The following CRB1 variants were observed in gnomAD, a reference collection of about 807,000 sequenced individuals.
CRB1 encodes protein crumbs homolog 1.
In CRB1, 83 loss-of-function variants were observed where a neutral mutation model predicts 120.0. The observed-to-expected ratio is 0.69, with a 90% confidence interval of 0.58 to 0.83. The LOEUF is 0.83. Among genes scored for constraint, CRB1 ranks in the 40% least tolerant of loss-of-function variants. The pLI, the probability that CRB1 is intolerant of heterozygous loss-of-function variation, is 0.00. For missense variants in CRB1, 1,699 were observed against 1,687.6 expected, an observed-to-expected ratio of 1.01 and a Z score of -0.12; for synonymous variants, 625 against 612.5, an observed-to-expected ratio of 1.02 and a Z score of -0.30.
intron 8 of CRB1, among the ~76,000 whole-genome samples, chr1:197,433,534 A>C (rs1412245280): frequency 1.3e-5 from 2 of 152,096 alleles, no homozygotes; most frequent in East Asian, 3.9e-4. Context: ...AAAGAGAAAA[A>C]TGAGGAATAA....
Position 197,438,660 on chromosome 1 carries a change from G to A in CRB1, c.3863G>A (p.Gly1288Asp), listed in dbSNP as rs533997742. The change falls in exon 10 of 12, where the codon GGT (glycine) becomes GAT (aspartate). Residue 1288 changes from glycine to aspartate, a missense_variant. Gly to Asp is a moderately conservative substitution (Grantham distance 94, BLOSUM62 -1). Coordinates refer to ENST00000367400, the MANE Select transcript of CRB1 (RefSeq NM_201253.3). The stretch of plus-strand genomic sequence containing the variant: ...GAATTAAAATGTATGTGCCGGCCAG[G>A]TTTTACTGGAGAATGGTGAGTCACA... ...QTELKCMCRP[G>D]FTGEWCEKDI... 1 of 1,612,206 alleles carries A rather than the reference G, an allele frequency of 6.2e-7. No homozygotes were observed. Among genetic ancestry groups the A allele is most frequent in the African/African-American group, 1.3e-5 (1 of 74,972 alleles).
intron 11 of CRB1, among the ~76,000 whole-genome samples, chr1:197,445,482 G>T (rs1571579399): frequency 1.3e-5 from 2 of 152,132 alleles, no homozygotes; most frequent in Admixed American, 1.3e-4. Flanking sequence ...ACTGTGATAA[G>T]CCTTTTTAAA....
intron 11 of CRB1, among the ~76,000 whole-genome samples, chr1:197,475,670 T>C (rs1184690534): frequency 1.3e-5 from 2 of 152,218 alleles, no homozygotes; most frequent in African/African-American, 4.8e-5. Flanking sequence ...GAGTTTAGTG[T>C]GGCATTCACA....
At chr1:197,387,860 G>A (rs531781003) in intron 5 of CRB1, among the ~76,000 whole-genome samples, 14 of 151,776 alleles carry the variant, frequency 9.2e-5, no homozygotes, top group African/African-American at 2.7e-4. Context: ...GCCACCAAAC[G>A]AAAATAATAT....
chr1:197,318,962 G>A (rs1406845087), intron 1 of CRB1, among the ~76,000 whole-genome samples: 1 of 152,008 alleles, frequency 6.6e-6, no homozygotes, highest in Non-Finnish European at 1.5e-5. Context: ...TGTATTATAT[G>A]TTCCAAAGAG....
At chr1:197,355,092 A>G (rs1660390855) in intron 4 of CRB1, among the ~76,000 whole-genome samples, 1 of 151,974 alleles carries the variant, frequency 6.6e-6, no homozygotes, top group South Asian at 2.1e-4. Context: ...ACCTTGAGCT[A>G]GACACAGGGT....
At chr1:197,386,222 G>C (rs1662210548) in intron 5 of CRB1, among the ~76,000 whole-genome samples, 2 of 152,010 alleles carry the variant, frequency 1.3e-5, no homozygotes, top group African/African-American at 2.4e-5. Context: ...TTACGTAATT[G>C]TTCTGTGCTA....
At chr1:197,327,421 C>T (rs1023279801) in intron 1 of CRB1, among the ~76,000 whole-genome samples, 1 of 152,106 alleles carries the variant, frequency 6.6e-6, no homozygotes, top group Non-Finnish European at 1.5e-5. Flanking sequence ...AGTCTTGCAC[C>T]TTGCACTGTT....
chr1:197,213,694 A>C, the CRB1 span, among the ~76,000 whole-genome samples: 9 of 152,196 alleles, frequency 5.9e-5, no homozygotes, highest in Non-Finnish European at 2.9e-5. Context: ...TTTCCAACTG[A>C]AATGGTATGA....
the CRB1 span, among the ~76,000 whole-genome samples, chr1:197,259,475 C>T: frequency 1.3e-5 from 2 of 152,088 alleles, no homozygotes; most frequent in African/African-American, 2.4e-5. Flanking sequence ...GGGAGTTGAA[C>T]AATGAGAACA....
intron 5 of CRB1, among the ~76,000 whole-genome samples, chr1:197,404,388 G>A (rs1186177722): frequency 2.8e-5 from 4 of 141,106 alleles, no homozygotes; most frequent in Non-Finnish European, 4.5e-5. Context: ...CTTGCAGTGA[G>A]CCGAGATCCC....
At position 197,285,919 on chromosome 1, in the gene CRB1, G is replaced by C. The variant is rs545200123; in HGVS notation, c.70+17437G>C. Among the ~76,000 whole-genome samples the C allele has an allele frequency of 4.1e-4, 62 of 151,976 alleles. No homozygotes were observed. The South Asian group carries it at 0.012, about 31-fold the overall frequency. On this transcript the variant is annotated intron_variant, in intron 1 of 11. Coordinates refer to ENST00000367400, the MANE Select transcript of CRB1 (RefSeq NM_201253.3). ...ATTTATTTAGTTATTCTTTGAATTT[G>C]AGCAGAATCTCTTTCTCTCCTTTTT...
At chr1:197,413,212 T>G (rs10801605) in intron 5 of CRB1, among the ~76,000 whole-genome samples, 1 of 152,064 alleles carries the variant, frequency 6.6e-6, no homozygotes, top group African/African-American at 2.4e-5. Context: ...TCACTTTTTT[T>G]GTTTGTACTC....
Position 197,429,230 on chromosome 1 carries a change from CT to C in CRB1, c.2677-215del, listed in dbSNP as rs1470822282. 2.8e-6 allele frequency: 4 copies of C among 1,438,976 alleles called. No individual in the cohort carries two copies. The African/African-American group carries it at 5.7e-5, about 21-fold the overall frequency. 89.1% of individuals were successfully genotyped at this position (1,438,976 alleles called of 1,614,324 possible). A position where few individuals can be genotyped will look rare whatever the true frequency, so the allele number is the denominator to read the frequency against. On this transcript the variant is annotated intron_variant, in intron 7 of 11. Transcript: ENST00000367400. ...CTTGTGCTATGGATCAATTTTATATCTTTTCTCTCTCTCTGCCACCACTCTG... is the reference window on the plus strand; with the variant it reads ...CTTGTGCTATGGATCAATTTTATATCTTTCTCTCTCTCTGCCACCACTCTG...
intron 1 of CRB1, among the ~76,000 whole-genome samples, chr1:197,282,508 C>A (rs1655578903): frequency 6.6e-6 from 1 of 151,796 alleles, no homozygotes; most frequent in Non-Finnish European, 1.5e-5. Context: ...TTAGAAATAA[C>A]CTTAATGTTA....
At chr1:197,206,970 CCT>C in the CRB1 span, among the ~76,000 whole-genome samples, 1 of 152,018 alleles carries the variant, frequency 6.6e-6, no homozygotes, top group Non-Finnish European at 1.5e-5. Flanking sequence ...TTGGACAAGG[CCT>C]TTTATCATTA....
intron 2 of CRB1, among the ~76,000 whole-genome samples, chr1:197,332,175 A>T (rs1051740632): frequency 6.6e-6 from 1 of 152,118 alleles, no homozygotes; most frequent in South Asian, 2.1e-4. Context: ...ACAAACAAAA[A>T]AAACAGCTAG....
the CRB1 span, among the ~76,000 whole-genome samples, chr1:197,209,109 G>A: frequency 6.6e-6 from 1 of 152,082 alleles, no homozygotes. Flanking sequence ...TTTCCAGATG[G>A]CATGTGAGCA....
chr1:197,317,612 T>A (rs981145276), intron 1 of CRB1, among the ~76,000 whole-genome samples: 6 of 151,882 alleles, frequency 4.0e-5, no homozygotes, highest in African/African-American at 1.5e-4. Flanking sequence ...AAGGCTAGAG[T>A]AACCAAAACA....
Sources: allele counts gnomAD v4.1 joint callset (sites outside exome capture counted in the v4.1 genomes callset), GRCh38; gene constraint gnomAD v4.1.1; transcripts MANE v1.5; gene names NCBI Gene and HGNC (gene_info 2026-07-23, HGNC 2026-07-21).